Variants in DNAJC1 observed in about 807,000 individuals in gnomAD.
DNAJC1 encodes the protein DnaJ heat shock protein family (Hsp40) member C1.
DNAJC1 carries 58 observed loss-of-function variants against 76.6 expected under a neutral mutation model. That is an observed-to-expected ratio of 0.76 (90% CI 0.61 to 0.94). The LOEUF is 0.94. Among genes scored for constraint, DNAJC1 ranks in the 40% least tolerant of loss-of-function variants. The pLI, the probability that DNAJC1 is intolerant of heterozygous loss-of-function variation, is 0.00. For missense variants in DNAJC1, 689 were observed against 677.3 expected, an observed-to-expected ratio of 1.02 and a Z score of -0.19; for synonymous variants, 258 against 267.9, an observed-to-expected ratio of 0.96 and a Z score of 0.36.
At chr10:21,772,902 C>T (rs755030118) in intron 9 of DNAJC1, among the ~76,000 whole-genome samples, 27 of 152,068 alleles carry the variant, frequency 1.8e-4, no homozygotes, top group African/African-American at 3.9e-4. Context: ...CTTACAATCA[C>T]GGCAGAAGGC....
intron 7 of DNAJC1, among the ~76,000 whole-genome samples, chr10:21,896,510 T>A (rs1048866750): frequency 6.6e-6 from 1 of 152,190 alleles, no homozygotes. Flanking sequence ...ATCATTATAA[T>A]GTGGAAGCAT....
chr10:21,943,866 T>C (rs1256376172), intron 1 of DNAJC1, among the ~76,000 whole-genome samples: 5 of 151,128 alleles, frequency 3.3e-5, no homozygotes, highest in Admixed American at 1.3e-4. Flanking sequence ...AAGATGGCTG[T>C]GGTCAACCGC....
At chr10:21,875,657 G>A (rs1249298917) in intron 8 of DNAJC1, among the ~76,000 whole-genome samples, 1 of 152,180 alleles carries the variant, frequency 6.6e-6, no homozygotes, top group Non-Finnish European at 1.5e-5. Context: ...TAGGCGTGGT[G>A]GCTCACACCT....
chr10:21,879,120 G>A (rs1292790535), intron 8 of DNAJC1, among the ~76,000 whole-genome samples: 1 of 152,126 alleles, frequency 6.6e-6, no homozygotes, highest in Non-Finnish European at 1.5e-5. Flanking sequence ...AGGAAATAGT[G>A]GCAGAAAGCA....
At chr10:21,852,671 A>C (rs1322580063) in intron 8 of DNAJC1, among the ~76,000 whole-genome samples, 1 of 152,208 alleles carries the variant, frequency 6.6e-6, no homozygotes. Context: ...GGCAACATTT[A>C]CCAGACGTAA....
At chr10:21,774,728 C>G (rs755651828) in intron 9 of DNAJC1, among the ~76,000 whole-genome samples, 1 of 152,202 alleles carries the variant, frequency 6.6e-6, no homozygotes, top group African/African-American at 2.4e-5. Context: ...CCGCCTGCCT[C>G]AGTCTCCCAA....
At chr10:21,960,065 C>T (rs1364275708) in intron 1 of DNAJC1, among the ~76,000 whole-genome samples, 1 of 152,252 alleles carries the variant, frequency 6.6e-6, no homozygotes, top group Middle Eastern at 3.4e-3. Flanking sequence ...CAAAATCTAA[C>T]GTATCTCCCA....
intron 8 of DNAJC1, chr10:21,861,029 T>A (rs1352731620): frequency 1.3e-5 from 2 of 151,554 alleles, no homozygotes; most frequent in East Asian, 3.9e-4. Context: ...CAGTATGACC[T>A]CATTTAATTA....
At chr10:21,780,687 C>T (rs1487356695) in intron 9 of DNAJC1, among the ~76,000 whole-genome samples, 1 of 152,196 alleles carries the variant, frequency 6.6e-6, no homozygotes, top group East Asian at 1.9e-4. Flanking sequence ...ACTGCATCAA[C>T]TAACGAGCAA....
chr10:21,958,328 A>AT (rs1375939948), intron 1 of DNAJC1, among the ~76,000 whole-genome samples: 1 of 152,098 alleles, frequency 6.6e-6, no homozygotes, highest in East Asian at 1.9e-4. Context: ...GTGTTTAGTG[A>AT]TTTTTAGTAC....
chr10:21,779,767 GAAGAAGGCTTCAGACGATCA>G (rs943643747), intron 9 of DNAJC1, among the ~76,000 whole-genome samples: 4 of 152,210 alleles, frequency 2.6e-5, no homozygotes, highest in Non-Finnish European at 5.9e-5. Context: ...TGAGTTGAGA[GAAGAAGGCTTCAGACGATCA>G]AACTTCTCCA....
chr10:21,849,442 T>C (rs917601617), intron 8 of DNAJC1, among the ~76,000 whole-genome samples: 6 of 142,760 alleles, frequency 4.2e-5, no homozygotes, highest in African/African-American at 1.6e-4. Context: ...AAAAATGAAA[T>C]AGAGAACAGA....
intron 1 of DNAJC1, among the ~76,000 whole-genome samples, chr10:21,965,430 G>A (rs1837875987): frequency 6.6e-6 from 1 of 152,124 alleles, no homozygotes; most frequent in South Asian, 2.1e-4. Context: ...ACTACTGTCA[G>A]AGGCATTCTA....
chr10:21,976,941 C>T (rs1264100353), intron 1 of DNAJC1, among the ~76,000 whole-genome samples: 5 of 152,086 alleles, frequency 3.3e-5, no homozygotes, highest in Non-Finnish European at 7.4e-5. Flanking sequence ...AACAACAGCA[C>T]AAACATTGCA....
At chr10:21,937,879 G>A (rs1837334500) in intron 1 of DNAJC1, among the ~76,000 whole-genome samples, 1 of 152,064 alleles carries the variant, frequency 6.6e-6, no homozygotes. Flanking sequence ...TAATCAAAAA[G>A]GAAATTAGAA....
intron 1 of DNAJC1, among the ~76,000 whole-genome samples, chr10:21,944,895 A>T (rs2131800834): frequency 6.6e-6 from 1 of 152,356 alleles, no homozygotes; most frequent in Admixed American, 6.5e-5. Context: ...TACTGATAAC[A>T]TCTGCAGAAA....
At chr10:21,832,407 T>C (rs1835372942) in intron 8 of DNAJC1, among the ~76,000 whole-genome samples, 1 of 152,220 alleles carries the variant, frequency 6.6e-6, no homozygotes, top group Non-Finnish European at 1.5e-5. Flanking sequence ...TTAACAACTA[T>C]CTGCTGAATG....
chr10:21,987,243 T>G (rs961330455), intron 1 of DNAJC1, among the ~76,000 whole-genome samples: 4 of 152,220 alleles, frequency 2.6e-5, no homozygotes, highest in African/African-American at 9.6e-5. Flanking sequence ...AATATAAAAT[T>G]TAATGTTCTT....
chr10:21,991,246 T>C (rs754245186), intron 1 of DNAJC1, among the ~76,000 whole-genome samples: 3 of 152,194 alleles, frequency 2.0e-5, no homozygotes, highest in Non-Finnish European at 4.4e-5. Context: ...AGTGATTTCC[T>C]GGTCAAAATA....
Sources: allele counts gnomAD v4.1 joint callset (sites outside exome capture counted in the v4.1 genomes callset), GRCh38; gene constraint gnomAD v4.1.1; transcripts MANE v1.5; gene names NCBI Gene and HGNC (gene_info 2026-07-23, HGNC 2026-07-21).